Variants in GRIK4 observed in about 807,000 individuals in gnomAD.
GRIK4 encodes glutamate receptor ionotropic, kainate 4.
GRIK4 carries 40 observed loss-of-function variants against 104.9 expected under a neutral mutation model. That is an observed-to-expected ratio of 0.38 (90% CI 0.30 to 0.50). The LOEUF (loss-of-function observed/expected upper bound fraction) is 0.50, where lower values mean the gene tolerates loss of function less well. Among genes scored for constraint, GRIK4 ranks in the 20% least tolerant of loss-of-function variants. The pLI is 0.93. For synonymous variants in GRIK4, 485 were observed against 524.9 expected (o/e 0.92, Z 1.04); for missense variants, 1,047 against 1,308.1 (o/e 0.80, Z 3.08).
Position 120,815,413 on chromosome 11 carries a change from C to A in GRIK4, c.283C>A (p.Leu95Ile). Residue 95 changes from leucine to isoleucine, a missense_variant, in exon 5 of 21, where the codon CTC (leucine) becomes ATC (isoleucine). Around this residue, in one of 3 missense-constraint regions of GRIK4, gnomAD observed 447 missense variants for 514.9 expected, o/e 0.87. Transcript: ENST00000527524. Reference protein sequence around the residue: ...QILPKGVVAVLGPSSSPASSS... With the variant: ...QILPKGVVAVIGPSSSPASSS... The stretch of plus-strand genomic sequence containing the variant: ...CCTCCCCAAGGGGGTGGTCGCTGTC[C>A]TCGGACCATCGTCCAGCCCAGCCTC... 1 of 1,552,356 alleles carries A rather than the reference C, an allele frequency of 6.4e-7. No individual in the cohort carries two copies. Among genetic ancestry groups the A allele is most frequent in the East Asian group, 2.4e-5 (1 of 41,132 alleles).
chr11:120,735,480 G>A (rs570910279), intron 3 of GRIK4, among the ~76,000 whole-genome samples: 16 of 152,114 alleles, frequency 1.1e-4, no homozygotes, highest in African/African-American at 4.8e-5. Flanking sequence ...AATTGCCCTG[G>A]GTCATGCCTG....
rs111254416 is a variant in GRIK4 at position 120,516,034 on chromosome 11, A to G, written c.-159+4147A>G. Among the ~76,000 whole-genome samples, 897 of 152,210 alleles carry G rather than the reference A, an allele frequency of 5.9e-3. 8 individuals are homozygous for G. The highest frequency in any genetic ancestry group is 0.021 in the African/African-American group (857 of 41,518). On this transcript the variant is annotated intron_variant, in intron 1 of 20. Coordinates refer to ENST00000527524, the MANE Select transcript of GRIK4 (RefSeq NM_014619.5). Reference sequence around the variant, plus strand: ...CGGTAGGACCCCAGCTTCTTCCCCTACACTTGGGCATCCTCTGCCTTAAAA... The same window carrying G: ...CGGTAGGACCCCAGCTTCTTCCCCTGCACTTGGGCATCCTCTGCCTTAAAA...
intron 3 of GRIK4, among the ~76,000 whole-genome samples, chr11:120,752,134 C>T (rs1459350517): frequency 6.6e-6 from 1 of 152,210 alleles, no homozygotes; most frequent in Non-Finnish European, 1.5e-5. Flanking sequence ...AAGAAGAGAT[C>T]ACCAACTTCT....
intron 2 of GRIK4, among the ~76,000 whole-genome samples, chr11:120,657,514 A>G (rs1204349258): frequency 3.9e-5 from 6 of 152,276 alleles, no homozygotes; most frequent in Middle Eastern, 3.4e-3. Flanking sequence ...CTGTGCACCT[A>G]TTATGTATAA....
intron 1 of GRIK4, among the ~76,000 whole-genome samples, chr11:120,647,101 A>C (rs922471763): frequency 1.3e-5 from 2 of 152,224 alleles, no homozygotes; most frequent in African/African-American, 4.8e-5. Flanking sequence ...ATCCAGACTC[A>C]TCAGTGTGTC....
At chr11:120,589,459 T>C (rs578159681) in intron 1 of GRIK4, among the ~76,000 whole-genome samples, 1 of 152,280 alleles carries the variant, frequency 6.6e-6, no homozygotes, top group East Asian at 1.9e-4. Flanking sequence ...AGATAAAGCT[T>C]GGGAACTCCT....
At chr11:120,551,089 C>T (rs936224361) in intron 1 of GRIK4, among the ~76,000 whole-genome samples, 3 of 152,028 alleles carry the variant, frequency 2.0e-5, no homozygotes, top group African/African-American at 7.3e-5. Context: ...AATGGTTTGG[C>T]CTCTTATGGG....
intron 1 of GRIK4, among the ~76,000 whole-genome samples, chr11:120,591,220 G>A (rs536847668): frequency 3.3e-4 from 50 of 151,710 alleles, no homozygotes; most frequent in Non-Finnish European, 6.6e-4. Context: ...ACAGTCAAGG[G>A]AGGAGATGGA....
At chr11:120,645,455 C>T (rs1283556242) in intron 1 of GRIK4, among the ~76,000 whole-genome samples, 1 of 152,220 alleles carries the variant, frequency 6.6e-6, no homozygotes, top group Non-Finnish European at 1.5e-5. Context: ...AATGGATGGC[C>T]TCCATGCCAC....
chr11:120,791,217 G>A (rs1284362703), intron 3 of GRIK4, among the ~76,000 whole-genome samples: 1 of 152,170 alleles, frequency 6.6e-6, no homozygotes, highest in East Asian at 1.9e-4. Context: ...AGCGAGGGAA[G>A]AGGTTGGGGC....
chr11:120,707,698 A>T (rs1405577019), intron 3 of GRIK4, among the ~76,000 whole-genome samples: 2 of 152,218 alleles, frequency 1.3e-5, no homozygotes, highest in Non-Finnish European at 2.9e-5. Context: ...ATGTAGCATC[A>T]GCTGAATGGG....
At chr11:120,976,682 A>C (rs1944565934) in intron 19 of GRIK4, among the ~76,000 whole-genome samples, 1 of 152,214 alleles carries the variant, frequency 6.6e-6, no homozygotes, top group Non-Finnish European at 1.5e-5. Context: ...TCCTCAGTCA[A>C]GATCTGTTGA....
chr11:120,700,069 G>A (rs1336679655), intron 3 of GRIK4, among the ~76,000 whole-genome samples: 1 of 152,168 alleles, frequency 6.6e-6, no homozygotes, highest in Non-Finnish European at 1.5e-5. Context: ...GATGCGTAGA[G>A]ATAGTAAGAT....
intron 1 of GRIK4, among the ~76,000 whole-genome samples, chr11:120,579,343 C>G (rs79261767): frequency 6.6e-6 from 1 of 152,212 alleles, no homozygotes; most frequent in African/African-American, 2.4e-5. Flanking sequence ...AAGGAGCCAG[C>G]CACACAGAGT....
Position 120,967,802 on chromosome 11 carries a change from C to T in GRIK4, c.2395+479C>T, listed in dbSNP as rs1016426336. Among the ~76,000 whole-genome samples, 3 of 152,090 alleles carry T rather than the reference C, an allele frequency of 2.0e-5. No homozygotes were observed. Among genetic ancestry groups the T allele is most frequent in the Non-Finnish European group, 4.4e-5 (3 of 68,002 alleles). The stretch of plus-strand genomic sequence containing the variant: ...AATAAAATTCAGGACCCTGTGTGAT[C>T]TGTTCCCCCTCAGCCTTCCTCTCTT... On this transcript the variant is annotated intron_variant, in intron 19 of 20. Transcript: ENST00000527524. The surrounding 1 kb of genome is among the most constrained non-coding windows in gnomAD (Gnocchi z 4.2).
chr11:120,567,370 G>A (rs1352072897), intron 1 of GRIK4, among the ~76,000 whole-genome samples: 1 of 151,526 alleles, frequency 6.6e-6, no homozygotes, highest in East Asian at 1.9e-4. Context: ...TATTGCCCAG[G>A]TTGGTCTTGA....
chr11:120,746,259 G>A (rs1003214452), intron 3 of GRIK4, among the ~76,000 whole-genome samples: 8 of 152,052 alleles, frequency 5.3e-5, no homozygotes, highest in East Asian at 1.9e-4. Flanking sequence ...AGATGTGTTC[G>A]TTTCCTCTTT....
chr11:120,809,035 G>A lies in GRIK4; in HGVS notation c.247+6178G>A, dbSNP rs547252915. Among the ~76,000 whole-genome samples, 282 of 152,224 alleles carry A rather than the reference G, an allele frequency of 1.9e-3. 2 individuals are homozygous for A. The highest frequency in any genetic ancestry group is 3.9e-4 in the East Asian group (2 of 5,164). On this transcript the variant is annotated intron_variant, in intron 4 of 20. Coordinates refer to ENST00000527524, the MANE Select transcript of GRIK4 (RefSeq NM_014619.5). ...TCCTGGAGGGGGGCTACAGTCAGTGGCACTTACCATTAGCTCCTCTAAACC... is the reference window on the plus strand; with the variant it reads ...TCCTGGAGGGGGGCTACAGTCAGTGACACTTACCATTAGCTCCTCTAAACC...
At chr11:120,764,396 C>A (rs956479028) in intron 3 of GRIK4, among the ~76,000 whole-genome samples, 2 of 152,126 alleles carry the variant, frequency 1.3e-5, no homozygotes, top group African/African-American at 4.8e-5. Context: ...ACTCTTTATC[C>A]AATTTGCCAG....
Sources: gnomAD v4.1 joint callset for allele counts (sites outside exome capture counted in the v4.1 genomes callset) on GRCh38, gnomAD v4.1.1 for gene constraint, gnomAD v4.1.1 regional missense constraint, Gnocchi (gnomAD v3.1) non-coding constraint, MANE v1.5 for transcripts, NCBI Gene and HGNC (gene_info 2026-07-23, HGNC 2026-07-21) for gene names.